Variants in SPATA45 observed in about 807,000 individuals in gnomAD.
The protein encoded by SPATA45 is spermatogenesis associated 45.
SPATA45 carries 5 observed loss-of-function variants against 7.0 expected under a neutral mutation model. That is an observed-to-expected ratio of 0.71 (90% confidence interval 0.37 to 1.50). SPATA45 has a LOEUF of 1.50. Ranked by LOEUF, SPATA45 falls within the 40% of genes most tolerant of loss-of-function variation. The pLI is 0.03. For missense variants in SPATA45, 111 were observed against 114.9 expected, an observed-to-expected ratio of 0.97 and a Z score of 0.16; for synonymous variants, 40 against 38.7, an observed-to-expected ratio of 1.03 and a Z score of -0.13.
intron 1 of SPATA45, among the ~76,000 whole-genome samples, chr1:212,841,759 TTTTG>T (rs984093085): frequency 1.3e-5 from 2 of 151,662 alleles, no homozygotes; most frequent in Non-Finnish European, 2.9e-5. Context: ...AAGTGCCTAT[TTTTG>T]TTTGTTAGTT....
At chr1:212,832,883 TC>T (rs1355067301) in intron 2 of SPATA45, among the ~76,000 whole-genome samples, 1 of 151,528 alleles carries the variant, frequency 6.6e-6, no homozygotes, top group African/African-American at 2.4e-5. Context: ...CAACATTTAT[TC>T]AATCAGCCAG....
Position 212,847,586 on chromosome 1 carries a change from C to T in SPATA45, c.-45G>A, listed in dbSNP as rs1304995128. 1 of 152,052 alleles carries T rather than the reference C, an allele frequency of 6.6e-6. No individual in the cohort carries two copies. Among genetic ancestry groups the T allele is most frequent in the Non-Finnish European group, 1.5e-5 (1 of 68,022 alleles). The allele number at this position is 152,052 out of a possible 1,614,324, so 9.4% of individuals were successfully genotyped here. A position where few individuals can be genotyped will look rare whatever the true frequency, so the allele number is the denominator to read the frequency against. On this transcript the variant is annotated 5_prime_UTR_variant, in exon 1 of 3. It removes an upstream start codon present in the reference 5' UTR. Transcript: ENST00000332912. ...GTATATTATTATAAATTACCTTTAG[C>T]ATACTACCATACAGCAACCCAAAGC...
intron 1 of SPATA45, among the ~76,000 whole-genome samples, chr1:212,842,970 G>A (rs967494318): frequency 6.6e-5 from 10 of 151,306 alleles, no homozygotes; most frequent in African/African-American, 2.4e-4. Context: ...GGTGGCATGC[G>A]CCTGTAGTCC....
At chr1:212,831,237 G>A (rs1663481722) in intron 2 of SPATA45, among the ~76,000 whole-genome samples, 1 of 151,474 alleles carries the variant, frequency 6.6e-6, no homozygotes, top group African/African-American at 2.4e-5. Context: ...GGGAGGCTGA[G>A]GCAGGCAGAT....
At chr1:212,833,171 C>G (rs1219450634) in intron 2 of SPATA45, among the ~76,000 whole-genome samples, 2 of 151,500 alleles carry the variant, frequency 1.3e-5, no homozygotes, top group African/African-American at 2.4e-5. Flanking sequence ...GCGGTGATTT[C>G]TGAGATTTTG....
At position 212,830,667 on chromosome 1, in the gene SPATA45, G is replaced by A. The variant is rs1337362986; in HGVS notation, c.278-406C>T. 4.4e-5 allele frequency among the ~76,000 whole-genome samples: 5 copies of A among 112,610 alleles called. 1 individual carries two copies. The highest frequency in any genetic ancestry group is 5.1e-4 in the East Asian group (2 of 3,932). The allele number at this position is 112,610 out of a possible 152,430, so 73.9% of individuals were successfully genotyped here. A position where few individuals can be genotyped will look rare whatever the true frequency, so the allele number is the denominator to read the frequency against. On this transcript the variant is annotated intron_variant, in intron 2 of 2. Coordinates refer to ENST00000332912, the MANE Select transcript of SPATA45 (RefSeq NM_001024601.3). ...AGCCTGGGCGAAAGAGCAAGACTCC[G>A]ACTCCAAAAAAAAAAAAAGAAACAC... is the stretch of plus-strand genomic sequence containing the variant.
chr1:212,834,693 C>T lies in SPATA45; in HGVS notation c.277+1180G>A, dbSNP rs550319487. On this transcript the variant is annotated intron_variant, in intron 2 of 2. Coordinates refer to ENST00000332912, the MANE Select transcript of SPATA45 (RefSeq NM_001024601.3). ...CTCAAACTCCTGACCTCAGGTGATC[C>T]GCCTGCCTTGGCCACCCAAAGTGCT... Among the ~76,000 whole-genome samples, 47 of 151,728 alleles carry T rather than the reference C, an allele frequency of 3.1e-4. 2 individuals carry two copies. The highest frequency in any genetic ancestry group is 6.0e-4 in the Non-Finnish European group (41 of 67,778).
intron 2 of SPATA45, 87 bp from the exon 3 acceptor site, chr1:212,830,348 T>C: frequency 2.5e-6 from 2 of 784,318 alleles, no homozygotes; most frequent in Non-Finnish European, 4.1e-6. Context: ...GGCAGAGTAT[T>C]GTTTTTCAGA....
intron 2 of SPATA45, among the ~76,000 whole-genome samples, chr1:212,833,362 G>C (rs545634179): frequency 1.3e-5 from 2 of 151,568 alleles, no homozygotes; most frequent in Non-Finnish European, 3.0e-5. Flanking sequence ...ACTTCACTTA[G>C]AATAATGGCC....
rs1421897401 is a variant in SPATA45 at position 212,847,466 on chromosome 1, A to G, written c.-39+114T>C. 3.3e-5 allele frequency: 5 copies of G among 152,130 alleles called. No individual in the cohort carries two copies. In the East Asian group the frequency reaches 9.6e-4, roughly 29 times the overall value. The allele number at this position is 152,130 out of a possible 1,614,324, so 9.4% of individuals were successfully genotyped here. ...TTCTTTCTAGGAGCAATGGTTCAGTATTTGCTAATTTAATGTTTGTGGCAA... is the reference window on the plus strand; with the variant it reads ...TTCTTTCTAGGAGCAATGGTTCAGTGTTTGCTAATTTAATGTTTGTGGCAA... On this transcript the variant is annotated intron_variant, in intron 1 of 2. Transcript: ENST00000332912.
chr1:212,836,386 A>G (rs1459795287), intron 1 of SPATA45, among the ~76,000 whole-genome samples, 199 bp from the exon 2 acceptor site: 1 of 151,610 alleles, frequency 6.6e-6, no homozygotes, highest in African/African-American at 2.4e-5. Flanking sequence ...GTTGACACAC[A>G]GTGGCATGAT....
intron 2 of SPATA45, among the ~76,000 whole-genome samples, chr1:212,833,453 G>A (rs1385858920): frequency 3.5e-5 from 5 of 142,348 alleles, no homozygotes; most frequent in Non-Finnish European, 7.6e-5. Context: ...GAAGCCAGGA[G>A]TTTGAAACCA....
chr1:212,833,711 ATGT>A (rs1385163644), intron 2 of SPATA45, among the ~76,000 whole-genome samples: 1 of 151,628 alleles, frequency 6.6e-6, no homozygotes, highest in Admixed American at 6.6e-5. Context: ...ACTTAAGGAA[ATGT>A]TGTGGCTGGG....
At chr1:212,833,910 G>A (rs946056670) in intron 2 of SPATA45, among the ~76,000 whole-genome samples, 3 of 151,930 alleles carry the variant, frequency 2.0e-5, no homozygotes, top group African/African-American at 4.8e-5. Flanking sequence ...CTTTTGCCAT[G>A]CCTTCCTCAC....
intron 1 of SPATA45, among the ~76,000 whole-genome samples, chr1:212,838,302 T>TA (rs55837628): frequency 0.19 from 25,817 of 139,296 alleles, 3,480 homozygotes; most frequent in East Asian, 0.45. Flanking sequence ...GGACTTTGTC[T>TA]AAAAAAAAAA....
chr1:212,846,032 C>G (rs1485904401), intron 1 of SPATA45, among the ~76,000 whole-genome samples: 6 of 152,156 alleles, frequency 3.9e-5, no homozygotes, highest in South Asian at 2.1e-4. Flanking sequence ...GTCCTGGGTC[C>G]TCCCAATTCT....
chr1:212,830,676 A>C (rs1398482508), intron 2 of SPATA45, among the ~76,000 whole-genome samples: 4 of 148,668 alleles, frequency 2.7e-5, no homozygotes, highest in Non-Finnish European at 6.0e-5. Flanking sequence ...CGACTCCAAA[A>C]AAAAAAAAAG....
chr1:212,833,114 A>C lies in SPATA45; in HGVS notation c.277+2759T>G, dbSNP rs78943858. 3.3e-5 allele frequency among the ~76,000 whole-genome samples: 5 copies of C among 151,636 alleles called. No individual in the cohort carries two copies. The East Asian group carries it at 9.7e-4, about 30-fold the overall frequency. ...TCTTTTGTTTATTTTTAATTTCAGT[A>C]GTTTTTGGGGTAAAGGTAGGTTTTG... On this transcript the variant is annotated intron_variant, in intron 2 of 2. Transcript: ENST00000332912.
At chr1:212,836,288 A>C (rs1464899181) in intron 1 of SPATA45, 101 bp from the exon 2 acceptor site, 4 of 900,882 alleles carry the variant, frequency 4.4e-6, no homozygotes, top group Admixed American at 2.6e-5. Context: ...CTATAAAATA[A>C]CACCACAACC....
Sources: gnomAD v4.1 joint callset for allele counts (sites outside exome capture counted in the v4.1 genomes callset) on GRCh38, gnomAD v4.1.1 for gene constraint, MANE v1.5 for transcripts, NCBI Gene and HGNC (gene_info 2026-07-23, HGNC 2026-07-21) for gene names.